The following RGS7 variants were observed in gnomAD, a reference collection of about 807,000 sequenced individuals.
RGS7 encodes the protein regulator of G-protein signaling 7.
RGS7 carries 27 observed loss-of-function variants against 81.1 expected under a neutral mutation model. That is an observed-to-expected ratio of 0.33 (90% CI 0.25 to 0.46). The LOEUF (loss-of-function observed/expected upper bound fraction) is 0.46. Among genes scored for constraint, RGS7 ranks in the 20% least tolerant of loss-of-function variants. The pLI is 1.00. For synonymous variants in RGS7, 208 were observed against 207.7 expected (o/e 1.00, Z -0.01); for missense variants, 396 against 607.4 (o/e 0.65, Z 3.66).
intron 4 of RGS7, among the ~76,000 whole-genome samples, chr1:240,968,313 G>GC (rs1401655487): frequency 6.6e-6 from 1 of 152,160 alleles, no homozygotes; most frequent in Non-Finnish European, 1.5e-5. Context: ...CTGATGCCTG[G>GC]CAGATCCCTT....
intron 2 of RGS7, among the ~76,000 whole-genome samples, chr1:241,209,683 A>T (rs1452767129): frequency 6.6e-6 from 1 of 151,980 alleles, no homozygotes; most frequent in Non-Finnish European, 1.5e-5. Context: ...GAAAAATTTT[A>T]AAAATTAGCT....
At chr1:241,103,863 G>T (rs2064934626) in intron 2 of RGS7, among the ~76,000 whole-genome samples, 1 of 152,182 alleles carries the variant, frequency 6.6e-6, no homozygotes. Flanking sequence ...TACAGAATGA[G>T]ACTCTGTCTC....
At chr1:241,077,696 G>T (rs2062880458) in intron 3 of RGS7, among the ~76,000 whole-genome samples, 1 of 152,142 alleles carries the variant, frequency 6.6e-6, no homozygotes, top group Non-Finnish European at 1.5e-5. Context: ...TGCGCTGTTT[G>T]CCTCTCCTCC....
intron 3 of RGS7, chr1:240,998,704 G>A (rs1468053974): frequency 3.5e-6 from 4 of 1,138,486 alleles, no homozygotes; most frequent in African/African-American, 1.5e-5. Context: ...GCTTTAATGA[G>A]GGCATTGATC....
chr1:240,974,769 A>C (rs564619568), intron 4 of RGS7, among the ~76,000 whole-genome samples: 5 of 152,358 alleles, frequency 3.3e-5, no homozygotes, highest in Admixed American at 3.3e-4. Context: ...AATTCAATTC[A>C]GTTAAATGTG....
At chr1:240,801,852 C>T (rs1688077152) in intron 16 of RGS7, among the ~76,000 whole-genome samples, 1 of 152,164 alleles carries the variant, frequency 6.6e-6, no homozygotes, top group Admixed American at 6.6e-5. Flanking sequence ...CTCAGAATTT[C>T]CTCAAAACTT....
At chr1:240,796,991 G>A (rs1003969158) in intron 18 of RGS7, among the ~76,000 whole-genome samples, 2 of 152,218 alleles carry the variant, frequency 1.3e-5, no homozygotes, top group Non-Finnish European at 2.9e-5. Context: ...CTCCCTGGGT[G>A]TTCAACATCA....
chr1:241,162,142 C>T (rs568755672), intron 2 of RGS7, among the ~76,000 whole-genome samples: 19 of 151,944 alleles, frequency 1.3e-4, no homozygotes, highest in Middle Eastern at 3.4e-3. Flanking sequence ...AACTATTTCT[C>T]TAAAATAATA....
At chr1:241,114,562 A>G (rs2102968487) in intron 2 of RGS7, among the ~76,000 whole-genome samples, 1 of 152,338 alleles carries the variant, frequency 6.6e-6, no homozygotes, top group East Asian at 1.9e-4. Context: ...CCTTGTCCAG[A>G]ATTATGTCTT....
chr1:240,871,970 C>T (rs2148037318), intron 6 of RGS7, among the ~76,000 whole-genome samples: 1 of 152,214 alleles, frequency 6.6e-6, no homozygotes, highest in South Asian at 2.1e-4. Context: ...AAATCAGCTC[C>T]CTTTGGGGAA....
chr1:240,788,355 G>C (rs1685414483), intron 18 of RGS7, among the ~76,000 whole-genome samples: 1 of 152,336 alleles, frequency 6.6e-6, no homozygotes, highest in East Asian at 1.9e-4. Context: ...TTGCAGAAAT[G>C]TGAGGACCTA....
intron 3 of RGS7, among the ~76,000 whole-genome samples, chr1:241,054,229 C>T (rs978729796): frequency 6.6e-6 from 1 of 152,158 alleles, no homozygotes; most frequent in African/African-American, 2.4e-5. Context: ...ACGTGTTAAA[C>T]TATGATAGTT....
intron 5 of RGS7, among the ~76,000 whole-genome samples, chr1:240,933,456 T>C (rs261858): frequency 0.076 from 11,543 of 152,102 alleles, 672 homozygotes; most frequent in Middle Eastern, 0.13. Flanking sequence ...AAAGTAATTT[T>C]TTCTTGTGAT....
chr1:240,811,541 C>T (rs572598404), intron 14 of RGS7, among the ~76,000 whole-genome samples: 27 of 152,292 alleles, frequency 1.8e-4, no homozygotes, highest in Admixed American at 5.2e-4. Flanking sequence ...AGAAGTGATA[C>T]GCAAAGATAG....
At chr1:240,812,831 T>C (rs1690103458) in intron 13 of RGS7, among the ~76,000 whole-genome samples, 1 of 152,196 alleles carries the variant, frequency 6.6e-6, no homozygotes, top group Non-Finnish European at 1.5e-5. Context: ...TAGCTAATGA[T>C]TCTGGTGTCA....
At chr1:240,871,850 T>C (rs942543031) in intron 6 of RGS7, among the ~76,000 whole-genome samples, 2 of 152,190 alleles carry the variant, frequency 1.3e-5, no homozygotes, top group African/African-American at 4.8e-5. Context: ...TTACCTCTGA[T>C]GAAATTTCAA....
At chr1:240,920,724 T>A (rs551927404) in intron 6 of RGS7, 2 of 605,754 alleles carry the variant, frequency 3.3e-6, no homozygotes, top group Middle Eastern at 4.5e-4. Context: ...GCCTAGCTGC[T>A]ACAAAGAAGA....
chr1:241,325,094 A>G (rs1158844392), intron 2 of RGS7, among the ~76,000 whole-genome samples: 2 of 152,238 alleles, frequency 1.3e-5, no homozygotes, highest in Non-Finnish European at 2.9e-5. Context: ...ATGTATTTTA[A>G]TTCCTCCATG....
intron 9 of RGS7, among the ~76,000 whole-genome samples, chr1:240,843,274 C>CT (rs954662484): frequency 2.9e-4 from 44 of 150,928 alleles, no homozygotes; most frequent in African/African-American, 9.5e-4. Context: ...TTTCTTTTTT[C>CT]TTTTTTTTTG....
Sources: allele counts gnomAD v4.1 joint callset (sites outside exome capture counted in the v4.1 genomes callset), GRCh38; gene constraint gnomAD v4.1.1; transcripts MANE v1.5; gene names NCBI Gene and HGNC (gene_info 2026-07-23, HGNC 2026-07-21).